TESK2: variants seen among roughly 807,000 people sequenced by gnomAD.
The protein encoded by TESK2 is testis associated actin remodelling kinase 2.
In TESK2, 39 loss-of-function variants were observed where a neutral mutation model predicts 57.1. That is an observed-to-expected ratio of 0.68 (90% confidence interval 0.53 to 0.89). The LOEUF is 0.89. Among genes scored for constraint, TESK2 ranks in the 40% least tolerant of loss-of-function variants. The pLI is 0.00. For missense variants in TESK2, 646 were observed against 732.1 expected (o/e 0.88, Z 1.36); for synonymous variants, 249 against 267.9 (o/e 0.93, Z 0.69).
At chr1:45,486,666 C>T (rs1653487236) in intron 1 of TESK2, among the ~76,000 whole-genome samples, 1 of 149,634 alleles carries the variant, frequency 6.7e-6, no homozygotes, top group African/African-American at 2.5e-5. Flanking sequence ...CAGAGCAAGA[C>T]CCCATAAAAA....
chr1:45,388,892 T>C (rs1480118942), intron 3 of TESK2, among the ~76,000 whole-genome samples: 1 of 152,028 alleles, frequency 6.6e-6, no homozygotes, highest in Non-Finnish European at 1.5e-5. Flanking sequence ...GGCTAATTTT[T>C]TGTATGTTTA....
intron 10 of TESK2, 134 bp downstream of exon 10, chr1:45,345,743 T>A: frequency 1.1e-6 from 1 of 902,292 alleles, no homozygotes; most frequent in Non-Finnish European, 1.7e-6. Context: ...GCCAGTACTT[T>A]CTGCATCATC....
chr1:45,388,357 C>T (rs1291280177), intron 3 of TESK2, among the ~76,000 whole-genome samples: 1 of 152,166 alleles, frequency 6.6e-6, no homozygotes, highest in Non-Finnish European at 1.5e-5. Context: ...ATTCTATTCC[C>T]ATTATCCTAC....
intron 5 of TESK2, among the ~76,000 whole-genome samples, chr1:45,348,269 A>G (rs2153608): frequency 0.36 from 55,421 of 152,100 alleles, 11,999 homozygotes; most frequent in African/African-American, 0.59. Context: ...GCTAGGCATA[A>G]TTTTAAGTGC....
At chr1:45,474,692 C>T (rs1257825074) in intron 1 of TESK2, among the ~76,000 whole-genome samples, 2 of 150,070 alleles carry the variant, frequency 1.3e-5, no homozygotes, top group East Asian at 4.0e-4. Flanking sequence ...AGGCTAGTCT[C>T]GAACTCCTGA....
At chr1:45,418,996 T>G (rs1480063518) in intron 3 of TESK2, among the ~76,000 whole-genome samples, 97 of 151,680 alleles carry the variant, frequency 6.4e-4, no homozygotes, top group African/African-American at 2.3e-3. Flanking sequence ...TTTTTTTTTT[T>G]GAGACAGAGT....
In TESK2 at chr1:45,405,416, T is replaced by C. The variant is rs192036219; in HGVS notation, c.344+16309A>G. The stretch of plus-strand genomic sequence containing the variant: ...AATGAATAAATTTAAAGTTTAAAAA[T>C]TGACAAACAAAAAACCTAATTAAGA... On this transcript the variant is annotated intron_variant, in intron 3 of 10. Coordinates refer to ENST00000372086, the MANE Select transcript of TESK2 (RefSeq NM_007170.3). Among the ~76,000 whole-genome samples the C allele has an allele frequency of 1.8e-3, 276 of 152,162 alleles. 2 individuals carry two copies. The highest frequency in any genetic ancestry group is 6.1e-3 in the African/African-American group (254 of 41,486).
chr1:45,396,395 C>T (rs1393122231), intron 3 of TESK2, among the ~76,000 whole-genome samples: 2 of 152,056 alleles, frequency 1.3e-5, no homozygotes, highest in Admixed American at 6.6e-5. Context: ...TGCGCCCAGC[C>T]TTCACTGGGT....
rs762871845 is a variant in TESK2, at chr1:45,345,387, C to T, written c.1169G>A (p.Arg390Gln). 15 of 1,613,962 alleles carry T rather than the reference C, an allele frequency of 9.3e-6. No individual in the cohort carries two copies. Among genetic ancestry groups the T allele is most frequent in the African/African-American group, 2.7e-5 (2 of 74,894 alleles). ...VSVLDPYYRP[R>Q]DGAARTPKVN... ...TTTGGGGGTGCGGGCAGCACCATCT[C>T]GTGGCCGGTAGTATGGGTCCAAGAC... The change falls in exon 11 of 11, where the codon CGA (arginine) becomes CAA (glutamine). Residue 390 changes from arginine (R) to glutamine (Q), a missense_variant. Coordinates refer to ENST00000372086, the MANE Select transcript of TESK2 (RefSeq NM_007170.3).
chr1:45,376,916 G>T (rs1557548769), intron 4 of TESK2, among the ~76,000 whole-genome samples: 1 of 152,138 alleles, frequency 6.6e-6, no homozygotes, highest in Non-Finnish European at 1.5e-5. Context: ...TCAGATAGTA[G>T]TATGTCAAAA....
chr1:45,482,295 AG>A (rs1477688029), intron 1 of TESK2, among the ~76,000 whole-genome samples: 1 of 152,134 alleles, frequency 6.6e-6, no homozygotes, highest in African/African-American at 2.4e-5. Flanking sequence ...GGGAGGCTGA[AG>A]GCAGGAGGAT....
Position 45,422,037 on chromosome 1 carries a change from T to C in TESK2, c.223-191A>G, listed in dbSNP as rs147854988. On this transcript the variant is annotated intron_variant, in intron 2 of 10. Transcript: ENST00000372086. ...TACCCAAGAACAGTATTATTTCACA[T>C]TGAGTTGGCCAGAAAAACACTGTTA... Among the ~76,000 whole-genome samples the C allele has an allele frequency of 6.6e-5, 10 of 152,314 alleles. No homozygotes were observed. The East Asian group carries it at 1.7e-3, about 26-fold the overall frequency.
rs555622368 is a variant in TESK2, at chr1:45,417,693, G to A, written c.344+4032C>T. Among the ~76,000 whole-genome samples the A allele has an allele frequency of 1.6e-4, 24 of 151,844 alleles. No homozygotes were observed. The East Asian group carries it at 3.7e-3, about 23-fold the overall frequency. On this transcript the variant is annotated intron_variant, in intron 3 of 10. Coordinates refer to ENST00000372086, the MANE Select transcript of TESK2 (RefSeq NM_007170.3). ...TGCAAGCTCTGCCTCCAGGGTTCAC[G>A]CCATTCTCCTGTCTCAGCCTCCCGA... is the stretch of plus-strand genomic sequence containing the variant.
chr1:45,479,597 C>A (rs1653129665), intron 1 of TESK2, among the ~76,000 whole-genome samples: 2 of 151,482 alleles, frequency 1.3e-5, no homozygotes, highest in Admixed American at 6.6e-5. Flanking sequence ...CCCAGCCCCC[C>A]CAAAAAATTA....
At chr1:45,417,651 G>T (rs1024686029) in intron 3 of TESK2, among the ~76,000 whole-genome samples, 1 of 151,760 alleles carries the variant, frequency 6.6e-6, no homozygotes, top group Admixed American at 6.6e-5. Context: ...GAGTGCGGTG[G>T]CGCGATCTCG....
intron 1 of TESK2, among the ~76,000 whole-genome samples, chr1:45,459,856 G>A (rs898655715): frequency 6.6e-6 from 1 of 151,988 alleles, no homozygotes; most frequent in African/African-American, 2.4e-5. Context: ...AAAATTTAGG[G>A]TTATAAGACA....
intron 2 of TESK2, among the ~76,000 whole-genome samples, chr1:45,450,968 CAAGGTTTAACTACATAAA>C (rs1455908971): frequency 1.3e-5 from 2 of 151,924 alleles, no homozygotes; most frequent in African/African-American, 4.8e-5. Context: ...ACTGCCAAAC[CAAGGTTTAACTACATAAA>C]AACTAAAATG....
intron 5 of TESK2, among the ~76,000 whole-genome samples, chr1:45,348,748 A>G (rs1647188600): frequency 1.3e-5 from 2 of 151,950 alleles, no homozygotes; most frequent in South Asian, 4.2e-4. Context: ...TTTAGCCATG[A>G]CCTCATCTTT....
chr1:45,402,605 C>T (rs979874757), intron 3 of TESK2, among the ~76,000 whole-genome samples: 2 of 151,746 alleles, frequency 1.3e-5, no homozygotes, highest in Non-Finnish European at 2.9e-5. Context: ...GCCTCAGCCT[C>T]CCAAGTAGCT....
Sources: gnomAD v4.1 joint callset for allele counts (sites outside exome capture counted in the v4.1 genomes callset) on GRCh38, gnomAD v4.1.1 for gene constraint, MANE v1.5 for transcripts, NCBI Gene and HGNC (gene_info 2026-07-23, HGNC 2026-07-21) for gene names.